Variants in ATP9B observed in about 807,000 individuals in gnomAD.
The protein encoded by ATP9B is probable phospholipid-transporting ATPase IIB.
A neutral mutation model predicts 146.1 loss-of-function variants in ATP9B; 110 were observed. The ratio of observed to expected loss-of-function variants is 0.75; its 90% confidence interval spans 0.65 to 0.88. The LOEUF is 0.88. Among genes scored for constraint, ATP9B ranks in the 40% least tolerant of loss-of-function variants. The pLI is 0.00. For synonymous variants in ATP9B, 604 were observed against 569.7 expected, an observed-to-expected ratio of 1.06 and a Z score of -0.86; for missense variants, 1,499 against 1,496.4, an observed-to-expected ratio of 1.00 and a Z score of -0.03.
At chr18:79,207,047 C>T (rs751825810) in intron 10 of ATP9B, 35 bp downstream of exon 10, 1 of 1,583,226 alleles carries the variant, frequency 6.3e-7, no homozygotes, top group Non-Finnish European at 8.7e-7. Flanking sequence ...TGTGATTGCT[C>T]CCGGATAGAT....
intron 5 of ATP9B, among the ~76,000 whole-genome samples, chr18:79,129,779 T>C (rs1348299768): frequency 6.6e-6 from 1 of 152,148 alleles, no homozygotes; most frequent in East Asian, 1.9e-4. Context: ...AGTTTTGCTC[T>C]GTTGCCCAGG....
intron 6 of ATP9B, chr18:79,145,058 G>C (rs1199146969): frequency 5.0e-6 from 1 of 201,404 alleles, no homozygotes; most frequent in Non-Finnish European, 1.0e-5. Context: ...CAGAGTGACT[G>C]AAGGTGCAAG....
At chr18:79,283,624 A>G (rs960469082) in intron 13 of ATP9B, among the ~76,000 whole-genome samples, 2 of 152,236 alleles carry the variant, frequency 1.3e-5, no homozygotes, top group Non-Finnish European at 2.9e-5. Flanking sequence ...TCTGAAATTA[A>G]TGATGTTGCT....
intron 4 of ATP9B, chr18:79,118,035 C>A (rs59448844): frequency 6.6e-6 from 1 of 152,120 alleles, no homozygotes; most frequent in African/African-American, 2.4e-5. Context: ...ACACATATAT[C>A]TACTTCATTT....
intron 13 of ATP9B, among the ~76,000 whole-genome samples, chr18:79,277,856 A>C (rs1423744544): frequency 6.6e-6 from 1 of 152,246 alleles, no homozygotes; most frequent in East Asian, 1.9e-4. Context: ...TTAGTGAACT[A>C]AAAATAAAAG....
Position 79,206,918 on chromosome 18 carries a change from T to G in ATP9B, c.955-19T>G. On this transcript the variant is annotated intron_variant, in intron 9 of 29. Transcript: ENST00000426216. ...ACAATCATTTGACGGTTTTGTTTTC[T>G]TTTTGTCTCCCTGCACAGGAAGACA... 6.2e-7 allele frequency: 1 copy of G among 1,611,940 alleles called. No homozygotes were observed.
At chr18:79,336,126 G>A (rs1219434313) in intron 17 of ATP9B, among the ~76,000 whole-genome samples, 1 of 150,092 alleles carries the variant, frequency 6.7e-6, no homozygotes, top group African/African-American at 2.4e-5. Flanking sequence ...GGCACCAGGC[G>A]CTCCCCTCGC....
chr18:79,133,441 A>G (rs2094406958), intron 5 of ATP9B, among the ~76,000 whole-genome samples: 1 of 151,964 alleles, frequency 6.6e-6, no homozygotes, highest in Non-Finnish European at 1.5e-5. Flanking sequence ...TTTTATTATT[A>G]GTTCTCTGTG....
intron 19 of ATP9B, among the ~76,000 whole-genome samples, chr18:79,338,343 C>T (rs998418493): frequency 6.6e-6 from 1 of 152,170 alleles, no homozygotes; most frequent in Admixed American, 6.5e-5. Flanking sequence ...TGTTCTCTCC[C>T]AGCACCTTCT....
In ATP9B at chr18:79,179,277, CTG is replaced by C. The variant is rs200390092; in HGVS notation, c.873+2374_873+2375del. On this transcript the variant is annotated intron_variant, in intron 8 of 29. Transcript: ENST00000426216. ...ATTATCTTCATTGTTTGTTCATTTT[CTG>C]TGTTATTAATTTCTGCTCTTTATTT... is the stretch of plus-strand genomic sequence containing the variant. Among the ~76,000 whole-genome samples, 977 of 152,004 alleles carry C rather than the reference CTG, an allele frequency of 6.4e-3. 13 individuals are homozygous for C. The highest frequency in any genetic ancestry group is 0.022 in the African/African-American group (915 of 41,504).
At chr18:79,146,422 G>T (rs1401737899) in intron 6 of ATP9B, 1 of 127,378 alleles carries the variant, frequency 7.9e-6, no homozygotes, top group African/African-American at 3.6e-5. Flanking sequence ...TGTCGGGGGA[G>T]CTGGCGGTGT....
At chr18:79,100,074 C>G (rs929116612) in intron 2 of ATP9B, among the ~76,000 whole-genome samples, 2 of 152,118 alleles carry the variant, frequency 1.3e-5, no homozygotes, top group African/African-American at 4.8e-5. Flanking sequence ...TTGCAGTGAG[C>G]CGAGATCATG....
At chr18:79,329,120 G>A (rs2147104374) in intron 15 of ATP9B, 21 bp from the exon 16 acceptor site, 1 of 1,532,896 alleles carries the variant, frequency 6.5e-7, no homozygotes, top group Non-Finnish European at 8.8e-7. Flanking sequence ...GGTGGCCTCA[G>A]TTGTTGCTGG....
At chr18:79,334,602 C>T (rs1347152920) in intron 17 of ATP9B, among the ~76,000 whole-genome samples, 1 of 151,792 alleles carries the variant, frequency 6.6e-6, no homozygotes, top group Non-Finnish European at 1.5e-5. Context: ...TGTCTCCTGA[C>T]AGCCCCGACA....
At chr18:79,189,418 G>A (rs77901502) in intron 8 of ATP9B, among the ~76,000 whole-genome samples, 4,681 of 151,536 alleles carry the variant, frequency 0.031, 73 homozygotes, top group Middle Eastern at 0.065. Context: ...CATTCCCCTT[G>A]AACAACACAG....
intron 11 of ATP9B, among the ~76,000 whole-genome samples, chr18:79,224,951 A>G (rs2095714677): frequency 6.6e-6 from 1 of 152,230 alleles, no homozygotes; most frequent in Non-Finnish European, 1.5e-5. Context: ...AGCAGCTCCC[A>G]GGAACCACGA....
At chr18:79,153,840 G>A (rs984419606) in intron 6 of ATP9B, among the ~76,000 whole-genome samples, 1 of 151,918 alleles carries the variant, frequency 6.6e-6, no homozygotes, top group African/African-American at 2.4e-5. Context: ...TAGAGGTGGA[G>A]CTTTGCCATG....
intron 11 of ATP9B, among the ~76,000 whole-genome samples, chr18:79,250,032 C>A (rs2096007486): frequency 6.6e-6 from 1 of 152,184 alleles, no homozygotes; most frequent in South Asian, 2.1e-4. Context: ...TGGGAGAAGA[C>A]AACATATACT....
chr18:79,174,541 G>A (rs1414973605), intron 7 of ATP9B, among the ~76,000 whole-genome samples: 1 of 152,006 alleles, frequency 6.6e-6, no homozygotes, highest in Non-Finnish European at 1.5e-5. Flanking sequence ...TGGTACAGGT[G>A]TCTCTCAAAT....
Sources: allele counts gnomAD v4.1 joint callset (sites outside exome capture counted in the v4.1 genomes callset), GRCh38; gene constraint gnomAD v4.1.1; transcripts MANE v1.5; gene names NCBI Gene and HGNC (gene_info 2026-07-23, HGNC 2026-07-21).